The following MCOLN2 variants were observed in gnomAD, a reference collection of about 807,000 sequenced individuals.
MCOLN2 encodes mucolipin-2.
MCOLN2 carries 57 observed loss-of-function variants against 67.5 expected under a neutral mutation model. The observed-to-expected ratio is 0.84, with a 90% CI of 0.68 to 1.05. The LOEUF (loss-of-function observed/expected upper bound fraction) is 1.05. Ranked by LOEUF, MCOLN2 falls within the 50% of genes least tolerant of loss-of-function variation. The pLI, the probability that MCOLN2 is intolerant of heterozygous loss-of-function variation, is 0.00. For missense variants in MCOLN2, 620 were observed against 678.8 expected (o/e 0.91, Z 0.96); for synonymous variants, 246 against 233.3 (o/e 1.05, Z -0.50).
At chr1:84,970,412 G>A (rs865790029) in intron 1 of MCOLN2, among the ~76,000 whole-genome samples, 3 of 151,620 alleles carry the variant, frequency 2.0e-5, no homozygotes, top group African/African-American at 7.3e-5. Context: ...GCTCATGCCT[G>A]TAATCCCAGT....
At chr1:84,927,688 G>C (rs1375572749) in intron 13 of MCOLN2, among the ~76,000 whole-genome samples, 7 of 152,156 alleles carry the variant, frequency 4.6e-5, no homozygotes, top group Non-Finnish European at 1.0e-4. Flanking sequence ...CCAGACAGGG[G>C]GCACAAAAAC....
chr1:84,974,717 G>A (rs1289173532), intron 1 of MCOLN2, among the ~76,000 whole-genome samples: 1 of 152,004 alleles, frequency 6.6e-6, no homozygotes, highest in Non-Finnish European at 1.5e-5. Flanking sequence ...GGGGGGTGGA[G>A]CAACAAGTGG....
intron 1 of MCOLN2, among the ~76,000 whole-genome samples, chr1:84,991,509 A>G (rs991864968): frequency 5.3e-5 from 8 of 152,220 alleles, no homozygotes; most frequent in South Asian, 2.1e-4. Flanking sequence ...AGTTGAGGGG[A>G]AAAAAGGCAA....
intron 4 of MCOLN2, among the ~76,000 whole-genome samples, chr1:84,956,175 A>G (rs1648777082): frequency 6.6e-6 from 1 of 151,616 alleles, no homozygotes; most frequent in South Asian, 2.1e-4. Context: ...AAAAAACAGG[A>G]CCTGTGAATA....
intron 1 of MCOLN2, among the ~76,000 whole-genome samples, chr1:84,980,903 G>A (rs1285511118): frequency 6.6e-6 from 1 of 151,936 alleles, no homozygotes; most frequent in Non-Finnish European, 1.5e-5. Flanking sequence ...TTTGCAAACT[G>A]GAGATTAACA....
In MCOLN2 at chr1:84,958,696, G is replaced by C; in HGVS notation, c.244C>G (p.Arg82Gly). The C allele has an allele frequency of 1.9e-6, 3 of 1,566,872 alleles. No individual in the cohort carries two copies. Among genetic ancestry groups the C allele is most frequent in the Admixed American group, 4.2e-5 (2 of 47,628 alleles). Residue 82 changes from arginine to glycine, a missense_variant, in exon 3 of 14, where the codon CGT (arginine) becomes GGT (glycine). Transcript: ENST00000370608. Reference protein sequence around the residue: ...KIVMVTTQLVRFGLSNQLVVA... With the variant: ...KIVMVTTQLVGFGLSNQLVVA... The stretch of plus-strand genomic sequence containing the variant: ...ACCAGCTGGTTACTTAAACCAAAAC[G>C]AACAAGCTAAAAAATAAAATAAAAT...
intron 6 of MCOLN2, among the ~76,000 whole-genome samples, chr1:84,949,558 G>A (rs533227142): frequency 4.6e-5 from 7 of 152,044 alleles, no homozygotes; most frequent in Admixed American, 2.0e-4. Context: ...GGAGAATGGC[G>A]TGAACCTGGG....
intron 1 of MCOLN2, among the ~76,000 whole-genome samples, chr1:84,996,391 T>G (rs1324994732): frequency 1.1e-5 from 1 of 88,960 alleles, no homozygotes; most frequent in Non-Finnish European, 2.1e-5. Context: ...ACGTATATAT[T>G]TCATATATAT....
intron 1 of MCOLN2, among the ~76,000 whole-genome samples, chr1:84,966,430 A>G (rs1485570369): frequency 6.6e-6 from 1 of 152,154 alleles, no homozygotes; most frequent in Non-Finnish European, 1.5e-5. Flanking sequence ...TATGAATTGT[A>G]AGTGAGTGAG....
chr1:84,990,072 G>A lies in MCOLN2; in HGVS notation c.77+6724C>T, dbSNP rs575023784. Among the ~76,000 whole-genome samples the A allele has an allele frequency of 1.8e-4, 28 of 152,002 alleles. 3 individuals carry two copies. The highest frequency in any genetic ancestry group is 1.6e-3 in the Admixed American group (25 of 15,270). On this transcript the variant is annotated intron_variant, in intron 1 of 13. Transcript: ENST00000370608. The stretch of plus-strand genomic sequence containing the variant: ...AGCACTTTGGGAGGCCAAGGCAGGC[G>A]GATCACGAGGTCAGGAGTTTGAGGC...
At chr1:84,966,819 T>C (rs1649402528) in intron 1 of MCOLN2, among the ~76,000 whole-genome samples, 1 of 152,090 alleles carries the variant, frequency 6.6e-6, no homozygotes, top group Non-Finnish European at 1.5e-5. Context: ...GTCCCCAAAG[T>C]GGAGTGCCGA....
chr1:84,965,388 A>C (rs959652676), intron 2 of MCOLN2, among the ~76,000 whole-genome samples, 161 bp downstream of exon 2: 1 of 152,216 alleles, frequency 6.6e-6, no homozygotes, highest in African/African-American at 2.4e-5. Flanking sequence ...TTGTCTTCTA[A>C]ACAGAACTTC....
At chr1:84,968,721 A>G (rs1304249085) in intron 1 of MCOLN2, among the ~76,000 whole-genome samples, 1 of 152,090 alleles carries the variant, frequency 6.6e-6, no homozygotes, top group Non-Finnish European at 1.5e-5. Flanking sequence ...ATCTCCTTTA[A>G]CCTGCTCCTT....
rs1648530011 is a variant in MCOLN2 at position 84,952,316 on chromosome 1, A to T, written c.674T>A (p.Phe225Tyr). Reference protein sequence around the residue: ...FYRLLQVEISFHLKGIDLQTI... With the variant: ...FYRLLQVEISYHLKGIDLQTI... ...CTGTAGGTCAATGCCTTTAAGATGA[A>T]AGGAGATTTCAACCTGTAAGAGCCT... Residue 225 changes from phenylalanine to tyrosine, a missense_variant, in exon 6 of 14, where the codon TTT becomes TAT. By Grantham distance (22) the Phe-to-Tyr change is conservative (BLOSUM62 3). Transcript: ENST00000370608. The T allele has an allele frequency of 1.2e-6, 2 of 1,613,562 alleles. No homozygotes were observed. Among genetic ancestry groups the T allele is most frequent in the African/African-American group, 2.7e-5 (2 of 75,032 alleles).
intron 1 of MCOLN2, among the ~76,000 whole-genome samples, chr1:84,970,579 C>T (rs909389871): frequency 6.6e-6 from 1 of 151,770 alleles, no homozygotes; most frequent in African/African-American, 2.4e-5. Flanking sequence ...ACTACTCAGG[C>T]AGCTGAGACA....
intron 13 of MCOLN2, among the ~76,000 whole-genome samples, chr1:84,927,558 T>A (rs891928433): frequency 6.6e-6 from 1 of 152,164 alleles, no homozygotes; most frequent in African/African-American, 2.4e-5. Flanking sequence ...AGAGGCTCTG[T>A]CAAAAACTCA....
chr1:84,938,541 C>T (rs904124282), intron 9 of MCOLN2, among the ~76,000 whole-genome samples: 5 of 152,202 alleles, frequency 3.3e-5, no homozygotes, highest in Admixed American at 6.5e-5. Context: ...AAAAGACAAA[C>T]ACACAAACAT....
Position 84,938,009 on chromosome 1 carries a change from C to T in MCOLN2, c.1184G>A (p.Arg395Lys). 6.2e-7 allele frequency: 1 copy of T among 1,614,034 alleles called. No homozygotes were observed. The highest frequency in any genetic ancestry group is 8.5e-7 in the Non-Finnish European group (1 of 1,179,908). ...STLLVWVGVI[R>K]YLGYFQAYNV... Reference sequence around the variant, plus strand: ...ATATGCCTGGAAATAACCCAGGTATCTGATGACTCCAACCCAAACCAAGAG... The same window carrying T: ...ATATGCCTGGAAATAACCCAGGTATTTGATGACTCCAACCCAAACCAAGAG... The change falls in exon 10 of 14, where the codon AGA becomes AAA. Residue 395 changes from arginine (R) to lysine (K), a missense_variant. Coordinates refer to ENST00000370608, the MANE Select transcript of MCOLN2 (RefSeq NM_153259.4).
intron 10 of MCOLN2, 49 bp from the exon 11 acceptor site, chr1:84,937,926 C>G: frequency 6.2e-7 from 1 of 1,613,612 alleles, no homozygotes; most frequent in Non-Finnish European, 8.5e-7. Flanking sequence ...CTATTAGAAC[C>G]CAAAGAATAA....
Sources: allele counts gnomAD v4.1 joint callset (sites outside exome capture counted in the v4.1 genomes callset), GRCh38; gene constraint gnomAD v4.1.1; transcripts MANE v1.5; gene names NCBI Gene and HGNC (gene_info 2026-07-23, HGNC 2026-07-21).